The following AAK1 variants were observed in gnomAD, a reference collection of about 807,000 sequenced individuals.
The protein encoded by AAK1 is AP2-associated protein kinase 1.
In AAK1, 37 loss-of-function variants were observed where a neutral mutation model predicts 116.0. The observed-to-expected ratio is 0.32, with a 90% CI of 0.25 to 0.42. The LOEUF (loss-of-function observed/expected upper bound fraction) is 0.42. Among genes scored for constraint, AAK1 ranks in the 10% least tolerant of loss-of-function variants. The pLI is 1.00. For synonymous variants in AAK1, 458 were observed against 439.9 expected, an observed-to-expected ratio of 1.04 and a Z score of -0.51; for missense variants, 919 against 1,170.6, an observed-to-expected ratio of 0.79 and a Z score of 3.14.
At chr2:69,532,004 T>A in intron 6 of AAK1, 37 bp downstream of exon 6, 1 of 1,609,634 alleles carries the variant, frequency 6.2e-7, no homozygotes, top group South Asian at 1.1e-5. Flanking sequence ...GCTCATCTGA[T>A]TGTGGACAAA....
At position 69,478,858 on chromosome 2, in the gene AAK1, A is replaced by T. The variant is rs1325554855; in HGVS notation, c.2680+93T>A. The T allele has an allele frequency of 1.0e-5, 10 of 1,000,638 alleles. No individual in the cohort carries two copies. In the East Asian group the frequency reaches 1.7e-4, roughly 17 times the overall value. 62.0% of individuals were successfully genotyped at this position (1,000,638 alleles called of 1,614,324 possible). A position where few individuals can be genotyped will look rare whatever the true frequency, so the allele number is the denominator to read the frequency against. The stretch of plus-strand genomic sequence containing the variant: ...AAGGAGGTAGTTTTAAAACTTCACT[A>T]GTAAAGACTTTTGATAAGAAAAACT... On this transcript the variant is annotated intron_variant, in intron 20 of 21. Transcript: ENST00000409085.
chr2:69,587,435 A>G (rs1032682005), intron 2 of AAK1, among the ~76,000 whole-genome samples: 5 of 150,292 alleles, frequency 3.3e-5, no homozygotes, highest in African/African-American at 1.2e-4. Flanking sequence ...ATATATATAC[A>G]TATGTGTATA....
At chr2:69,628,288 T>G (rs1675001031) in intron 2 of AAK1, among the ~76,000 whole-genome samples, 1 of 151,876 alleles carries the variant, frequency 6.6e-6, no homozygotes, top group South Asian at 2.1e-4. Context: ...TCTTTTCTTT[T>G]TTTTTTTAAT....
intron 2 of AAK1, among the ~76,000 whole-genome samples, chr2:69,623,541 G>A (rs11891585): frequency 0.01 from 1,576 of 152,270 alleles, 20 homozygotes; most frequent in African/African-American, 0.034. Flanking sequence ...ATGGAGGGCT[G>A]GGTGCTGTGG....
Position 69,643,085 on chromosome 2 carries a change from ATTTT to A in AAK1, c.-49_-46del, listed in dbSNP as rs4067981. 290 of 1,263,974 alleles carry A rather than the reference ATTTT, an allele frequency of 2.3e-4. No homozygotes were observed. The highest frequency in any genetic ancestry group is 1.1e-3 in the African/African-American group (53 of 50,122). 78.3% of individuals were successfully genotyped at this position (1,263,974 alleles called of 1,614,324 possible). ...AAAGCAAAATACCGATGGTTTCTAG[ATTTT>A]TTTTTTTTTTTTTTTTTTTTAAGAA... On this transcript the variant is annotated 5_prime_UTR_variant, in exon 2 of 22. Coordinates refer to ENST00000409085, the MANE Select transcript of AAK1 (RefSeq NM_014911.5).
intron 2 of AAK1, among the ~76,000 whole-genome samples, chr2:69,603,419 C>T (rs954097949): frequency 3.9e-5 from 6 of 152,086 alleles, no homozygotes; most frequent in Admixed American, 1.3e-4. Flanking sequence ...AAAGGCAATT[C>T]CTCTGTTAGC....
At chr2:69,586,937 C>T (rs1265071564) in intron 2 of AAK1, among the ~76,000 whole-genome samples, 2 of 152,144 alleles carry the variant, frequency 1.3e-5, no homozygotes, top group Non-Finnish European at 2.9e-5. Flanking sequence ...AGAACCAATG[C>T]ACCATGCTTT....
At chr2:69,627,535 C>A (rs1190590017) in intron 2 of AAK1, among the ~76,000 whole-genome samples, 2 of 152,104 alleles carry the variant, frequency 1.3e-5, no homozygotes, top group Non-Finnish European at 2.9e-5. Flanking sequence ...GAAAAGGCAC[C>A]AGCCAAGCCT....
At chr2:69,499,505 ACAGAACTGTTCCATGAAACCAAAGACCT>A (rs1282008827) in intron 16 of AAK1, among the ~76,000 whole-genome samples, 6 of 152,208 alleles carry the variant, frequency 3.9e-5, no homozygotes, top group Non-Finnish European at 8.8e-5. Context: ...CAATCATGAT[ACAGAACTGTTCCATGAAACCAAAGACCT>A]CCTCATTCTA....
At chr2:69,509,511 A>G (rs1239192915) in intron 13 of AAK1, 51 bp from the exon 14 acceptor site, 2 of 1,481,824 alleles carry the variant, frequency 1.3e-6, no homozygotes, top group East Asian at 4.9e-5. Flanking sequence ...AAAAAAAGTT[A>G]AAGGAAAAAC....
intron 13 of AAK1, among the ~76,000 whole-genome samples, chr2:69,512,219 T>C (rs1479723897): frequency 1.3e-5 from 2 of 152,154 alleles, no homozygotes; most frequent in East Asian, 3.8e-4. Flanking sequence ...AAAATGTAAT[T>C]ATAAAAGGAG....
At chr2:69,589,267 A>G (rs1337257881) in intron 2 of AAK1, among the ~76,000 whole-genome samples, 1 of 152,218 alleles carries the variant, frequency 6.6e-6, no homozygotes, top group African/African-American at 2.4e-5. Flanking sequence ...CATATACAGG[A>G]CAAAGTTGAA....
chr2:69,621,372 G>A (rs960328657), intron 2 of AAK1, among the ~76,000 whole-genome samples: 14 of 152,016 alleles, frequency 9.2e-5, no homozygotes, highest in Non-Finnish European at 7.4e-5. Flanking sequence ...CCAGCTACTC[G>A]GGAGGCCGAG....
At chr2:69,534,262 T>C (rs546392891) in intron 5 of AAK1, among the ~76,000 whole-genome samples, 1 of 152,308 alleles carries the variant, frequency 6.6e-6, no homozygotes, top group South Asian at 2.1e-4. Flanking sequence ...AGCTGGGAAG[T>C]GAACCTAAAC....
intron 5 of AAK1, among the ~76,000 whole-genome samples, chr2:69,534,336 C>T (rs1670375668): frequency 6.6e-6 from 1 of 152,160 alleles, no homozygotes. Context: ...AGAAGCAGAG[C>T]AATTACTCAA....
chr2:69,553,450 T>TTG (rs1196559836), intron 3 of AAK1, among the ~76,000 whole-genome samples: 1 of 139,116 alleles, frequency 7.2e-6, no homozygotes, highest in African/African-American at 2.7e-5. Flanking sequence ...TTTTTTTTTT[T>TTG]TTTTTTTTTT....
At chr2:69,492,118 A>C (rs987364570) in intron 17 of AAK1, among the ~76,000 whole-genome samples, 1 of 152,206 alleles carries the variant, frequency 6.6e-6, no homozygotes, top group African/African-American at 2.4e-5. Flanking sequence ...AGTATCTATA[A>C]GATCAAAGGT....
At chr2:69,516,384 T>G (rs1234408420) in intron 12 of AAK1, among the ~76,000 whole-genome samples, 1 of 149,428 alleles carries the variant, frequency 6.7e-6, no homozygotes, top group African/African-American at 2.5e-5. Context: ...AAATTAGGAA[T>G]ATAAATCCGA....
At position 69,478,627 on chromosome 2, in the gene AAK1, A is replaced by T. The variant is rs558053209; in HGVS notation, c.2680+324T>A. 17 of 244,168 alleles carry T rather than the reference A, an allele frequency of 7.0e-5. No homozygotes were observed. In the East Asian group the frequency reaches 1.6e-3, roughly 23 times the overall value. The allele number at this position is 244,168 out of a possible 1,614,324, so 15.1% of individuals were successfully genotyped here. A position where few individuals can be genotyped will look rare whatever the true frequency, so the allele number is the denominator to read the frequency against. On this transcript the variant is annotated intron_variant, in intron 20 of 21. Transcript: ENST00000409085. ...GCTGCCATGGCTGGCTAATTAAAAAATTTTTTTGTAGAGACTGAGACTCCG... is the reference window on the plus strand; with the variant it reads ...GCTGCCATGGCTGGCTAATTAAAAATTTTTTTTGTAGAGACTGAGACTCCG...
Sources: gnomAD v4.1 joint callset for allele counts (sites outside exome capture counted in the v4.1 genomes callset) on GRCh38, gnomAD v4.1.1 for gene constraint, MANE v1.5 for transcripts, NCBI Gene and HGNC (gene_info 2026-07-23, HGNC 2026-07-21) for gene names.